Variants in SGCZ observed in about 807,000 individuals in gnomAD.
SGCZ encodes the protein zeta-sarcoglycan.
In SGCZ, 40 loss-of-function variants were observed where a neutral mutation model predicts 41.3. That is an observed-to-expected ratio of 0.97 (90% CI 0.75 to 1.26). The LOEUF (loss-of-function observed/expected upper bound fraction) is 1.26. SGCZ is among the 50% of genes most tolerant of loss of function. The pLI, the probability that SGCZ is intolerant of heterozygous loss-of-function variation, is 0.00. For missense variants in SGCZ, 552 were observed against 369.8 expected, an observed-to-expected ratio of 1.49 and a Z score of -4.04; for synonymous variants, 206 against 137.5, an observed-to-expected ratio of 1.50 and a Z score of -3.49.
intron 1 of SGCZ, among the ~76,000 whole-genome samples, chr8:15,161,357 C>T (rs1347568662): frequency 6.6e-6 from 1 of 152,124 alleles, no homozygotes; most frequent in Admixed American, 6.6e-5. Flanking sequence ...TGCTCCTTGT[C>T]TGTCTTCTCT....
chr8:14,970,714 G>T (rs1023304665), intron 1 of SGCZ, among the ~76,000 whole-genome samples: 5 of 152,126 alleles, frequency 3.3e-5, no homozygotes, highest in African/African-American at 9.6e-5. Context: ...AGCTTTATGA[G>T]TCTTGATATC....
chr8:14,853,344 C>T (rs1197869896), intron 1 of SGCZ: 1 of 397,448 alleles, frequency 2.5e-6, no homozygotes, highest in Admixed American at 2.5e-5. Context: ...TCACCTGAAG[C>T]ATGCTGGCCA....
intron 1 of SGCZ, among the ~76,000 whole-genome samples, chr8:14,668,639 T>C (rs1807992093): frequency 6.6e-6 from 1 of 152,182 alleles, no homozygotes; most frequent in Non-Finnish European, 1.5e-5. Flanking sequence ...GCAATAAATT[T>C]TGATATGACT....
At chr8:14,440,121 T>C (rs900232092) in intron 2 of SGCZ, among the ~76,000 whole-genome samples, 1 of 152,128 alleles carries the variant, frequency 6.6e-6, no homozygotes, top group African/African-American at 2.4e-5. Flanking sequence ...TTACTTTATT[T>C]TACTCATGTC....
At chr8:14,393,483 C>A (rs977963693) in intron 2 of SGCZ, among the ~76,000 whole-genome samples, 2 of 152,092 alleles carry the variant, frequency 1.3e-5, no homozygotes, top group Non-Finnish European at 2.9e-5. Flanking sequence ...GGTGGGGCGA[C>A]CAACCTTCCC....
chr8:14,895,522 C>A (rs1035235421), intron 1 of SGCZ, among the ~76,000 whole-genome samples: 3 of 151,976 alleles, frequency 2.0e-5, no homozygotes, highest in Non-Finnish European at 2.9e-5. Context: ...TAACATTCCC[C>A]ACTCCCCCCA....
At chr8:15,192,589 C>G (rs534261574) in intron 1 of SGCZ, among the ~76,000 whole-genome samples, 1 of 152,096 alleles carries the variant, frequency 6.6e-6, no homozygotes, top group South Asian at 2.1e-4. Context: ...CAGCCACTAA[C>G]GACTAATCCA....
chr8:14,575,525 G>A (rs1161409000), intron 1 of SGCZ, among the ~76,000 whole-genome samples: 2 of 152,186 alleles, frequency 1.3e-5, no homozygotes, highest in Non-Finnish European at 2.9e-5. Flanking sequence ...ATATGTTTCT[G>A]TAATAGTAAA....
chr8:14,363,559 A>C (rs1803601710), intron 2 of SGCZ, among the ~76,000 whole-genome samples: 1 of 151,914 alleles, frequency 6.6e-6, no homozygotes, highest in Admixed American at 6.6e-5. Flanking sequence ...CCCAAGCAGC[A>C]GTTTACTTTT....
At chr8:14,608,782 C>T (rs770496260) in intron 1 of SGCZ, among the ~76,000 whole-genome samples, 9 of 151,844 alleles carry the variant, frequency 5.9e-5, no homozygotes, top group African/African-American at 2.2e-4. Flanking sequence ...CACATTTCAA[C>T]GTGAGATTTG....
At chr8:14,325,861 C>G (rs961867427) in intron 2 of SGCZ, among the ~76,000 whole-genome samples, 3 of 144,686 alleles carry the variant, frequency 2.1e-5, no homozygotes, top group Non-Finnish European at 3.0e-5. Flanking sequence ...CTGTAAAATC[C>G]CAGTACTTCG....
chr8:14,321,014 G>A (rs1248056535), intron 3 of SGCZ, among the ~76,000 whole-genome samples: 1 of 152,048 alleles, frequency 6.6e-6, no homozygotes, highest in African/African-American at 2.4e-5. Flanking sequence ...CTGAAGATTA[G>A]GTGTCCTAAA....
intron 2 of SGCZ, among the ~76,000 whole-genome samples, chr8:14,359,538 T>C (rs1803428899): frequency 6.6e-6 from 1 of 151,908 alleles, no homozygotes; most frequent in South Asian, 2.1e-4. Context: ...TCTTCACTGA[T>C]CACAATGGAA....
chr8:14,772,880 A>G (rs1195351054), intron 1 of SGCZ, among the ~76,000 whole-genome samples: 1 of 151,996 alleles, frequency 6.6e-6, no homozygotes, highest in Non-Finnish European at 1.5e-5. Flanking sequence ...TAGTGCCACA[A>G]TAAACATACC....
chr8:14,644,855 A>G (rs1807153427), intron 1 of SGCZ, among the ~76,000 whole-genome samples: 1 of 151,608 alleles, frequency 6.6e-6, no homozygotes, highest in Admixed American at 6.6e-5. Context: ...TTAGTCAAAC[A>G]TTTTGATGAC....
intron 2 of SGCZ, among the ~76,000 whole-genome samples, chr8:14,350,770 C>T (rs73518229): frequency 0.057 from 8,600 of 152,116 alleles, 712 homozygotes; most frequent in African/African-American, 0.18. Context: ...TCCTCCTGAA[C>T]AGAAAACTCT....
intron 2 of SGCZ, among the ~76,000 whole-genome samples, chr8:14,479,377 T>A (rs1421676960): frequency 1.3e-5 from 2 of 152,150 alleles, no homozygotes; most frequent in African/African-American, 4.8e-5. Context: ...TCCGCCTGCT[T>A]TTATTTCAGC....
chr8:14,827,289 G>A (rs1802366515), intron 1 of SGCZ, among the ~76,000 whole-genome samples: 1 of 148,932 alleles, frequency 6.7e-6, no homozygotes, highest in African/African-American at 2.5e-5. Context: ...CAGGCTGGAG[G>A]GCAGTGACGC....
rs527765812 is a variant in SGCZ at position 14,201,879 on chromosome 8, A to G, written c.424+35713T>C. Among the ~76,000 whole-genome samples, 3 of 152,294 alleles carry G rather than the reference A, an allele frequency of 2.0e-5. No individual in the cohort carries two copies. The South Asian group carries it at 6.2e-4, about 32-fold the overall frequency. On this transcript the variant is annotated intron_variant, in intron 4 of 7. Coordinates refer to ENST00000382080, the MANE Select transcript of SGCZ (RefSeq NM_139167.4). ...TTAAAAAACAACAACAATAACAACA[A>G]AACTGTTAGGTCTATCTTTTGCAAA...
Sources: allele counts gnomAD v4.1 joint callset (sites outside exome capture counted in the v4.1 genomes callset), GRCh38; gene constraint gnomAD v4.1.1; transcripts MANE v1.5; gene names NCBI Gene and HGNC (gene_info 2026-07-23, HGNC 2026-07-21).